Variants in CNTN5 observed in about 807,000 individuals in gnomAD.
The protein encoded by CNTN5 is contactin 5.
A neutral mutation model predicts 129.1 loss-of-function variants in CNTN5; 77 were observed. The observed-to-expected ratio is 0.60, with a 90% CI of 0.50 to 0.72. CNTN5 has a LOEUF of 0.72. Ranked by LOEUF, CNTN5 falls within the 30% of genes least tolerant of loss-of-function variation. The pLI is 0.00. For synonymous variants in CNTN5, 509 were observed against 465.6 expected (o/e 1.09, Z -1.20); for missense variants, 1,478 against 1,328.8 (o/e 1.11, Z -1.75).
intron 9 of CNTN5, among the ~76,000 whole-genome samples, chr11:100,005,675 C>A (rs899631972): frequency 2.0e-5 from 3 of 152,048 alleles, no homozygotes; most frequent in Admixed American, 6.6e-5. Flanking sequence ...TGATCTACTG[C>A]CTCTTAAGAA....
At chr11:99,770,905 G>A (rs1944922399) in intron 3 of CNTN5, among the ~76,000 whole-genome samples, 1 of 152,022 alleles carries the variant, frequency 6.6e-6, no homozygotes, top group Non-Finnish European at 1.5e-5. Context: ...TGATTTGAAG[G>A]TGTATCACAA....
At chr11:100,197,669 A>T (rs1332615104) in intron 15 of CNTN5, among the ~76,000 whole-genome samples, 1 of 151,996 alleles carries the variant, frequency 6.6e-6, no homozygotes. Flanking sequence ...ACTGTTTTCC[A>T]GTGACTTGAA....
intron 2 of CNTN5, among the ~76,000 whole-genome samples, chr11:99,330,418 G>T (rs1865953979): frequency 6.6e-6 from 1 of 152,236 alleles, no homozygotes; most frequent in Admixed American, 6.5e-5. Flanking sequence ...TGTCATAAAT[G>T]ATTAGAAAAT....
chr11:100,292,017 G>T (rs2138865351), intron 18 of CNTN5, among the ~76,000 whole-genome samples: 1 of 151,876 alleles, frequency 6.6e-6, no homozygotes, highest in Non-Finnish European at 1.5e-5. Flanking sequence ...GCATTTTCAG[G>T]TATTTAAAAA....
chr11:100,335,823 A>G (rs1164046137), intron 21 of CNTN5, among the ~76,000 whole-genome samples: 1 of 152,094 alleles, frequency 6.6e-6, no homozygotes, highest in African/African-American at 2.4e-5. Context: ...TCCTACAGGT[A>G]TTATATGAGT....
At chr11:99,761,634 A>G (rs918085014) in intron 3 of CNTN5, among the ~76,000 whole-genome samples, 9 of 152,042 alleles carry the variant, frequency 5.9e-5, no homozygotes, top group Non-Finnish European at 1.3e-4. Context: ...CATGGTGTAT[A>G]TGTGCCACAT....
intron 6 of CNTN5, among the ~76,000 whole-genome samples, chr11:99,853,681 T>C (rs1947946850): frequency 1.3e-5 from 2 of 152,116 alleles, no homozygotes; most frequent in East Asian, 3.9e-4. Context: ...CACCCGGCTT[T>C]ATATATATTT....
intron 6 of CNTN5, 133 bp from the exon 7 acceptor site, chr11:99,915,921 G>C: frequency 1.5e-6 from 1 of 660,946 alleles, no homozygotes. Context: ...ATATGTTAAA[G>C]CCTTCTTGTC....
chr11:100,002,188 ATATCT>A (rs1591552408), intron 9 of CNTN5, 52 bp downstream of exon 9: 2 of 1,191,068 alleles, frequency 1.7e-6, no homozygotes, highest in East Asian at 5.9e-5. Flanking sequence ...AAAATGTGAC[ATATCT>A]TATTTTTGGA....
rs1033848336 is a variant in CNTN5, at chr11:99,535,344, G to C, written c.-70-20801G>C. 2.0e-5 allele frequency among the ~76,000 whole-genome samples: 3 copies of C among 152,306 alleles called. No homozygotes were observed. The East Asian group carries it at 5.8e-4, about 29-fold the overall frequency. On this transcript the variant is annotated intron_variant, in intron 2 of 24. Coordinates refer to ENST00000524871, the MANE Select transcript of CNTN5 (RefSeq NM_014361.4). ...TGTGTTAGATGTGGAGGATGAGAGA[G>C]AGGTAGATAAACAGTAGACAGAATA...
chr11:99,726,947 A>G lies in CNTN5; in HGVS notation c.56-92597A>G, dbSNP rs147269534. On this transcript the variant is annotated intron_variant, in intron 3 of 24. Transcript: ENST00000524871. ...CTTGAAAAAAATTTACATAAAAGATAATAGAAACTATCTTAGTCTAGTTTT... is the reference window on the plus strand; with the variant it reads ...CTTGAAAAAAATTTACATAAAAGATGATAGAAACTATCTTAGTCTAGTTTT... Among the ~76,000 whole-genome samples, 253 of 152,284 alleles carry G rather than the reference A, an allele frequency of 1.7e-3. 7 individuals carry two copies. The East Asian group carries it at 0.042, about 25-fold the overall frequency.
intron 2 of CNTN5, among the ~76,000 whole-genome samples, chr11:99,354,733 T>A (rs1007355838): frequency 6.6e-6 from 1 of 152,118 alleles, no homozygotes. Flanking sequence ...CCTCCCTACT[T>A]CCACCATTGC....
intron 1 of CNTN5, among the ~76,000 whole-genome samples, chr11:99,080,834 A>ATGGTCTAGAAAATAAGGCAT: frequency 6.6e-6 from 1 of 152,336 alleles, no homozygotes; most frequent in Non-Finnish European, 1.5e-5. Flanking sequence ...AATGAACTAG[A>ATGGTCTAGAAAATAAGGCAT]TGGTCTAGAA....
chr11:99,930,708 A>C (rs935869411), intron 7 of CNTN5, among the ~76,000 whole-genome samples: 1 of 152,150 alleles, frequency 6.6e-6, no homozygotes, highest in Non-Finnish European at 1.5e-5. Context: ...ATTTTGATTG[A>C]CTTAACTAAA....
chr11:99,299,557 T>C (rs1864534762), intron 1 of CNTN5, among the ~76,000 whole-genome samples: 1 of 152,168 alleles, frequency 6.6e-6, no homozygotes, highest in Admixed American at 6.6e-5. Context: ...CTCAAAGACA[T>C]GTGGAATGGT....
chr11:99,608,332 G>T (rs1052204832), intron 3 of CNTN5, among the ~76,000 whole-genome samples: 1 of 152,136 alleles, frequency 6.6e-6, no homozygotes, highest in Non-Finnish European at 1.5e-5. Context: ...CAGCAAGAAT[G>T]ATCAGGTCTA....
At position 100,021,941 on chromosome 11, in the gene CNTN5, G is replaced by A. The variant is rs1385628857; in HGVS notation, c.980+19805G>A. Among the ~76,000 whole-genome samples the A allele has an allele frequency of 2.6e-5, 4 of 152,090 alleles. No homozygotes were observed. The South Asian group carries it at 8.3e-4, about 31-fold the overall frequency. ...GCAACCAGCACAGGAGAAAGATGAA[G>A]GTTGGAGGACTCAGCAAGACAGCTT... On this transcript the variant is annotated intron_variant, in intron 9 of 24. Transcript: ENST00000524871.
intron 3 of CNTN5, among the ~76,000 whole-genome samples, chr11:99,602,315 G>T (rs530575669): frequency 1.2e-4 from 19 of 152,106 alleles, no homozygotes; most frequent in African/African-American, 4.6e-4. Context: ...TTTTGATGGA[G>T]AATAGAAATA....
chr11:99,942,591 T>C (rs1209498133), intron 7 of CNTN5, among the ~76,000 whole-genome samples: 1 of 152,052 alleles, frequency 6.6e-6, no homozygotes, highest in Non-Finnish European at 1.5e-5. Context: ...TAATGTGCCA[T>C]GGTGGTTTGC....
Sources: gnomAD v4.1 joint callset for allele counts (sites outside exome capture counted in the v4.1 genomes callset) on GRCh38, gnomAD v4.1.1 for gene constraint, MANE v1.5 for transcripts, NCBI Gene and HGNC (gene_info 2026-07-23, HGNC 2026-07-21) for gene names.